ECEL1: variants seen among roughly 807,000 people sequenced by gnomAD.
ECEL1 encodes endothelin converting enzyme like 1, also known as endothelin-converting enzyme-like 1.
ECEL1 carries 87 observed loss-of-function variants against 101.8 expected under a neutral mutation model. The observed-to-expected ratio is 0.85, with a 90% CI of 0.72 to 1.02. ECEL1 has a LOEUF of 1.02. Among genes scored for constraint, ECEL1 ranks in the 50% least tolerant of loss-of-function variants. The probability of loss-of-function intolerance (pLI) is 0.00; values close to 1 mark genes in which losing one functional copy is unlikely to be tolerated. For missense variants in ECEL1, 1,032 were observed against 1,079.2 expected (o/e 0.96, Z 0.61); for synonymous variants, 487 against 468.7 (o/e 1.04, Z -0.50).
At chr2:232,482,758 A>G (rs948445794) in intron 10 of ECEL1, 93 bp downstream of exon 10, 3 of 1,533,876 alleles carry the variant, frequency 2.0e-6, no homozygotes. Context: ...TGTGCCCCCC[A>G]TATCTGCATG....
Position 232,486,338 on chromosome 2 carries a change from C to T in ECEL1, c.316G>A (p.Ala106Thr). ...PEGCPERKAF[A>T]RAARFLAANL... ...GCGGCCAGGAAGCGAGCGGCGCGCG[C>T]GAAGGCCTTGCGCTCAGGGCAGCCC... The change falls in exon 2 of 18, where the codon GCG (alanine) becomes ACG (threonine). Residue 106 changes from alanine (A) to threonine (T), a missense_variant. Transcript: ENST00000304546. The T allele has an allele frequency of 6.4e-7, 1 of 1,557,528 alleles. No individual in the cohort carries two copies.
In ECEL1 at chr2:232,484,488, G is replaced by T. The variant is rs752100104; in HGVS notation, c.1168C>A (p.Arg390Ser). Reference protein sequence around the residue: ...DYMQQVSQLIRSTPHRVLHNY... With the variant: ...DYMQQVSQLISSTPHRVLHNY... ...CAGCCATACCGGTGGGGTGTGGAGC[G>T]GATGAGCTGCGACACCTGCTGCATG... Residue 390 changes from arginine to serine, a missense_variant, in exon 6 of 18, where the codon CGC becomes AGC. Physicochemically the swap from Arg to Ser is moderately radical, Grantham distance 110 (BLOSUM62 -1). Transcript: ENST00000304546. 2 of 1,613,780 alleles carry T rather than the reference G, an allele frequency of 1.2e-6. No homozygotes were observed. The highest frequency in any genetic ancestry group is 2.2e-5 in the South Asian group (2 of 91,090).
rs139791336 is a variant in ECEL1 at position 232,481,532 on chromosome 2, C to T, written c.1963G>A (p.Asp655Asn). ...RKAECIVRLY[D>N]NFTVYNQRVN... is the part of the protein sequence containing the mutation. ...CGCTGGTTGTAGACAGTGAAGTTGTCATAGAGACGGACGATGCACTCAGCC... is the reference window on the plus strand; with the variant it reads ...CGCTGGTTGTAGACAGTGAAGTTGTTATAGAGACGGACGATGCACTCAGCC... Residue 655 changes from aspartate (D) to asparagine (N), a missense_variant, in exon 14 of 18, where the codon GAC (aspartate) becomes AAC (asparagine). Transcript: ENST00000304546. The T allele has an allele frequency of 8.6e-5, 139 of 1,612,982 alleles. 1 individual carries two copies. The highest frequency in any genetic ancestry group is 1.8e-5 in the Non-Finnish European group (21 of 1,179,728).
rs1031597447 is a variant in ECEL1 at position 232,486,555 on chromosome 2, C to T, written c.99G>A (p.Leu33=). 5 of 1,361,454 alleles carry T rather than the reference C, an allele frequency of 3.7e-6. No individual in the cohort carries two copies. Among genetic ancestry groups the T allele is most frequent in the Non-Finnish European group, 3.8e-6 (4 of 1,062,602 alleles). 84.3% of individuals were successfully genotyped at this position (1,361,454 alleles called of 1,614,324 possible). A position where few individuals can be genotyped will look rare whatever the true frequency, so the allele number is the denominator to read the frequency against. Residue 33 remains leucine (L), a synonymous_variant, in exon 2 of 18, where the codon CTG becomes CTA. Transcript: ENST00000304546. ...CAGCGCCCAACGGGAAGCCCGGGGG[C>T]AGGGAGGCCCCGCGCGCGCCCCCCG... ...CGAGGARGAS[L]PPGFPLGAAR... is the part of the protein sequence containing the mutation.
chr2:232,482,416 A>C lies in ECEL1; in HGVS notation c.1796+2T>G. The stretch of plus-strand genomic sequence containing the variant: ...CACAAACAGGGCAAGCTATGTACTC[A>C]CTGTGGGAAGTCAGGGTCGTACAGG... On this transcript the variant is annotated splice_donor_variant, in intron 12 of 17. Transcript: ENST00000304546. LOFTEE classifies it high-confidence loss of function. 1 of 1,613,800 alleles carries C rather than the reference A, an allele frequency of 6.2e-7. No individual in the cohort carries two copies. The highest frequency in any genetic ancestry group is 8.5e-7 in the Non-Finnish European group (1 of 1,179,988).
intron 10 of ECEL1, 111 bp from the exon 11 acceptor site, chr2:232,482,719 GC>G: frequency 6.7e-7 from 1 of 1,493,224 alleles, no homozygotes; most frequent in Non-Finnish European, 9.2e-7. Context: ...CACCCTGCCG[GC>G]CCCCACCCCA....
In ECEL1 at chr2:232,483,891, C is replaced by A; in HGVS notation, c.1407+110G>T. On this transcript the variant is annotated intron_variant, in intron 7 of 17. Coordinates refer to ENST00000304546, the MANE Select transcript of ECEL1 (RefSeq NM_004826.4). Reference sequence around the variant, plus strand: ...GGCTGAGTACTTAGCAGGGCCTGGTCCCCCTGCCTGCAGGGGACATGTGGG... The same window carrying A: ...GGCTGAGTACTTAGCAGGGCCTGGTACCCCTGCCTGCAGGGGACATGTGGG... 7.4e-6 allele frequency: 9 copies of A among 1,210,894 alleles called. No homozygotes were observed. The South Asian group carries it at 1.4e-4, about 18-fold the overall frequency. 75.0% of individuals were successfully genotyped at this position (1,210,894 alleles called of 1,614,324 possible). A position where few individuals can be genotyped will look rare whatever the true frequency, so the allele number is the denominator to read the frequency against.
At position 232,480,580 on chromosome 2, in the gene ECEL1, C is replaced by A. The variant is rs374636102; in HGVS notation, c.2152-105G>T. The stretch of plus-strand genomic sequence containing the variant: ...AAGGCGGTAGGCCCCCTCAGCACCA[C>A]AGGACCATCACCTCTGACGGGACAG... On this transcript the variant is annotated intron_variant, in intron 16 of 17. Transcript: ENST00000304546. 1.9e-4 allele frequency: 291 copies of A among 1,515,160 alleles called. 2 individuals carry two copies. In the East Asian group the frequency reaches 4.7e-3, roughly 24 times the overall value. The allele number at this position is 1,515,160 out of a possible 1,614,324, so 93.9% of individuals were successfully genotyped here.
chr2:232,480,322 T>C, intron 17 of ECEL1, 70 bp from the exon 18 acceptor site: 7 of 1,612,216 alleles, frequency 4.3e-6, no homozygotes, highest in Non-Finnish European at 5.9e-6. Context: ...CAGGGGTGAC[T>C]TTTATTCCTT....
intron 7 of ECEL1, 144 bp downstream of exon 7, chr2:232,483,857 C>T (rs1031331812): frequency 1.8e-5 from 17 of 937,698 alleles, no homozygotes; most frequent in Non-Finnish European, 2.6e-5. Context: ...AGCCTGGGGC[C>T]TCAGAATCGG....
Position 232,482,850 on chromosome 2 carries a change from C to G in ECEL1, c.1685+1G>C. On this transcript the variant is annotated splice_donor_variant, in intron 10 of 17. Transcript: ENST00000304546. LOFTEE classifies it high-confidence loss of function. ...CCCCCAGCTCTGGGCCAGGCACCCA[C>G]GTGGACTTGTCCACCTCCTGCCGAA... 1 of 1,613,886 alleles carries G rather than the reference C, an allele frequency of 6.2e-7. No homozygotes were observed. The highest frequency in any genetic ancestry group is 8.5e-7 in the Non-Finnish European group (1 of 1,179,912).
In ECEL1 at chr2:232,486,713, G is replaced by A; in HGVS notation, c.-60C>T. On this transcript the variant is annotated 5_prime_UTR_variant, in exon 2 of 18. Coordinates refer to ENST00000304546, the MANE Select transcript of ECEL1 (RefSeq NM_004826.4). ...CCTGGGCTACGGGATGCGCGTGGCC[G>A]CCGGCCTCCTCGTGGGCCTCCGCAT... The A allele has an allele frequency of 5.0e-6, 7 of 1,393,128 alleles. No homozygotes were observed. The highest frequency in any genetic ancestry group is 4.6e-6 in the Non-Finnish European group (5 of 1,077,418). The allele number at this position is 1,393,128 out of a possible 1,614,324, so 86.3% of individuals were successfully genotyped here.
intron 15 of ECEL1, 84 bp from the exon 16 acceptor site, chr2:232,480,897 C>T: frequency 7.1e-7 from 1 of 1,418,406 alleles, no homozygotes. Flanking sequence ...GGTAGCCCTC[C>T]CTGCTCTCCC....
chr2:232,482,896 A>G lies in ECEL1; in HGVS notation c.1640T>C (p.Ile547Thr). 1.2e-6 allele frequency: 2 copies of G among 1,614,198 alleles called. No homozygotes were observed. Among genetic ancestry groups the G allele is most frequent in the South Asian group, 2.2e-5 (2 of 91,084 alleles). Residue 547 changes from isoleucine to threonine, a missense_variant, in exon 10 of 18, where the codon ATC (isoleucine) becomes ACC (threonine). Ile to Thr is a moderately conservative substitution (Grantham distance 89, BLOSUM62 -1). Transcript: ENST00000304546. ...CCGAATCTTCTTAACTGAGAGCTGG[A>G]TGCTGAAGCGGATGCTGTTCAAGAT... Reference protein sequence around the residue: ...KNILNSIRFSIQLSVKKIRQE... With the variant: ...KNILNSIRFSTQLSVKKIRQE...
In ECEL1 at chr2:232,486,737, A is replaced by G. The variant is rs1222015884; in HGVS notation, c.-84T>C. ...CGCCGGCCTCCTCGTGGGCCTCCGC[A>G]TGGCCCTGGGGCCGCAGCTGCGGGA... On this transcript the variant is annotated 5_prime_UTR_variant, in exon 2 of 18. It removes an upstream start codon present in the reference 5' UTR. Transcript: ENST00000304546. 2.2e-6 allele frequency: 3 copies of G among 1,336,520 alleles called. No individual in the cohort carries two copies. Among genetic ancestry groups the G allele is most frequent in the Non-Finnish European group, 1.9e-6 (2 of 1,039,062 alleles). 82.8% of individuals were successfully genotyped at this position (1,336,520 alleles called of 1,614,324 possible).
rs1690710098 is a variant in ECEL1, at chr2:232,485,942, C to T, written c.712G>A (p.Val238Met). The T allele has an allele frequency of 2.5e-6, 4 of 1,583,722 alleles. No homozygotes were observed. Among genetic ancestry groups the T allele is most frequent in the South Asian group, 1.1e-5 (1 of 87,596 alleles). Residue 238 changes from valine (V) to methionine (M), a missense_variant, in exon 2 of 18, where the codon GTG becomes ATG. Coordinates refer to ENST00000304546, the MANE Select transcript of ECEL1 (RefSeq NM_004826.4). ...LNRLLYKAQG[V>M]YSAAALFSLT... ...GAGAAGAGCGCGGCGGCGCTGTACA[C>T]GCCCTGCGCCTTGTACAGCAGCCGG...
At chr2:232,480,311 C>A in intron 17 of ECEL1, 59 bp from the exon 18 acceptor site, 1 of 1,611,508 alleles carries the variant, frequency 6.2e-7, no homozygotes. Flanking sequence ...GCCCCAGCAA[C>A]CAGGGGTGAC....
rs201178152 is a variant in ECEL1, at chr2:232,485,910, C to G, written c.744G>C (p.Thr248=). Residue 248 remains threonine (T), a synonymous_variant, in exon 2 of 18, where the codon ACG becomes ACC. Coordinates refer to ENST00000304546, the MANE Select transcript of ECEL1 (RefSeq NM_004826.4). ...VYSAAALFSL[T]VSLDDRNSSR... ...AGGAGTTCCTGTCGTCCAGGCTGAC[C>G]GTGAGCGAGAAGAGCGCGGCGGCGC... The G allele has an allele frequency of 2.1e-4, 327 of 1,572,492 alleles. 4 individuals carry two copies. The African/African-American group carries it at 3.8e-3, about 18-fold the overall frequency.
At position 232,486,180 on chromosome 2, in the gene ECEL1, C is replaced by T; in HGVS notation, c.474G>A (p.Glu158=). 6.3e-7 allele frequency: 1 copy of T among 1,591,936 alleles called. No homozygotes were observed. The highest frequency in any genetic ancestry group is 1.1e-5 in the South Asian group (1 of 89,300). The change falls in exon 2 of 18, where the codon GAG becomes GAA. Residue 158 remains glutamate, a synonymous_variant. Transcript: ENST00000304546. ...GTIAAIGEQN[E]ERLRRLLARP... Reference sequence around the variant, plus strand: ...GCGCCAGCAGGCGCCGTAGGCGCTCCTCGTTTTGCTCGCCGATGGCCGCGA... The same window carrying T: ...GCGCCAGCAGGCGCCGTAGGCGCTCTTCGTTTTGCTCGCCGATGGCCGCGA...
Sources: allele counts gnomAD v4.1 joint callset, GRCh38; gene constraint gnomAD v4.1.1; transcripts MANE v1.5; gene names NCBI Gene and HGNC (gene_info 2026-07-23, HGNC 2026-07-21).